The following SSX2IP variants were observed in gnomAD, a reference collection of about 807,000 sequenced individuals.
The protein encoded by SSX2IP is SSX family member 2 interacting protein, also known as afadin- and alpha-actinin-binding protein.
In SSX2IP, 55 loss-of-function variants were observed where a neutral mutation model predicts 84.9. The observed-to-expected ratio is 0.65, with a 90% CI of 0.52 to 0.81. The LOEUF (loss-of-function observed/expected upper bound fraction) is 0.81, where lower values mean the gene tolerates loss of function less well. Among genes scored for constraint, SSX2IP ranks in the 30% least tolerant of loss-of-function variants. SSX2IP has a pLI of 0.00. For missense variants in SSX2IP, 664 were observed against 705.2 expected, an observed-to-expected ratio of 0.94 and a Z score of 0.66; for synonymous variants, 239 against 234.7, an observed-to-expected ratio of 1.02 and a Z score of -0.17.
intron 12 of SSX2IP, 108 bp from the exon 13 acceptor site, chr1:84,650,635 G>C (rs570936190): frequency 8.7e-7 from 1 of 1,154,906 alleles, no homozygotes; most frequent in South Asian, 1.4e-5. Flanking sequence ...TGAGGAAAGA[G>C]ATGGAACAAA....
intron 1 of SSX2IP, among the ~76,000 whole-genome samples, chr1:84,676,728 T>TTTTA (rs1179738776): frequency 3.6e-5 from 5 of 139,366 alleles, no homozygotes; most frequent in Non-Finnish European, 7.8e-5. Flanking sequence ...CCTTTTTTTT[T>TTTTA]TTTTTTTTTT....
chr1:84,688,346 C>T (rs1328471091), intron 1 of SSX2IP, among the ~76,000 whole-genome samples: 2 of 152,144 alleles, frequency 1.3e-5, no homozygotes, highest in Non-Finnish European at 2.9e-5. Context: ...AACCTCTTTG[C>T]GTCATGAGCA....
Position 84,643,773 on chromosome 1 carries a change from A to G in SSX2IP, c.*3660T>C, listed in dbSNP as rs1333129179. On this transcript the variant is annotated 3_prime_UTR_variant, in exon 14 of 14. Transcript: ENST00000342203. ...TGCTGTTAAGCATTATACTAGGTACATGTATTTCTGAAGCTCAAATATATG... is the reference window on the plus strand; with the variant it reads ...TGCTGTTAAGCATTATACTAGGTACGTGTATTTCTGAAGCTCAAATATATG... 6.6e-6 allele frequency: 1 copy of G among 151,796 alleles called. No homozygotes were observed. Among genetic ancestry groups the G allele is most frequent in the Non-Finnish European group, 1.5e-5 (1 of 67,880 alleles). The allele number at this position is 151,796 out of a possible 1,614,324, so 9.4% of individuals were successfully genotyped here. A position where few individuals can be genotyped will look rare whatever the true frequency, so the allele number is the denominator to read the frequency against.
chr1:84,674,418 A>C (rs1654016483), intron 1 of SSX2IP, among the ~76,000 whole-genome samples: 1 of 152,198 alleles, frequency 6.6e-6, no homozygotes, highest in South Asian at 2.1e-4. Context: ...AGAGACAGAT[A>C]TCTTTATAAA....
At chr1:84,656,129 A>C in intron 10 of SSX2IP, 124 bp from the exon 11 acceptor site, 1 of 1,035,166 alleles carries the variant, frequency 9.7e-7, no homozygotes. Flanking sequence ...AGAATCAAAA[A>C]GTCAAATGAG....
chr1:84,679,392 G>C (rs752905533), intron 1 of SSX2IP, among the ~76,000 whole-genome samples: 6 of 152,144 alleles, frequency 3.9e-5, no homozygotes, highest in Admixed American at 2.6e-4. Flanking sequence ...TCTGAGTGGT[G>C]CCATTTTCCA....
intron 1 of SSX2IP, among the ~76,000 whole-genome samples, chr1:84,679,984 G>A (rs537828773): frequency 6.6e-6 from 1 of 152,272 alleles, no homozygotes; most frequent in East Asian, 1.9e-4. Context: ...CAGTGGGTGA[G>A]GGGCTCAGGA....
intron 1 of SSX2IP, among the ~76,000 whole-genome samples, chr1:84,688,105 T>G (rs1184246289): frequency 6.6e-6 from 1 of 152,242 alleles, no homozygotes; most frequent in East Asian, 1.9e-4. Flanking sequence ...TGAATGTTTA[T>G]TGAAAGAATT....
chr1:84,675,854 G>C (rs1462805651), intron 1 of SSX2IP, among the ~76,000 whole-genome samples: 2 of 152,046 alleles, frequency 1.3e-5, no homozygotes, highest in Non-Finnish European at 2.9e-5. Context: ...TCATCTACCT[G>C]GGTCCTGGAA....
chr1:84,663,155 T>C (rs1313905563), intron 6 of SSX2IP, among the ~76,000 whole-genome samples: 1 of 152,176 alleles, frequency 6.6e-6, no homozygotes, highest in Non-Finnish European at 1.5e-5. Flanking sequence ...AAGCCCCTGA[T>C]AGTAGTAATA....
At chr1:84,689,240 T>C (rs1656235590) in intron 1 of SSX2IP, among the ~76,000 whole-genome samples, 1 of 152,224 alleles carries the variant, frequency 6.6e-6, no homozygotes, top group Admixed American at 6.5e-5. Flanking sequence ...TCTTTACAAA[T>C]TTTATTCACT....
chr1:84,651,885 C>T lies in SSX2IP; in HGVS notation c.1502G>A (p.Gly501Glu), dbSNP rs1216130094. The T allele has an allele frequency of 6.2e-7, 1 of 1,604,100 alleles. No homozygotes were observed. Among genetic ancestry groups the T allele is most frequent in the South Asian group, 1.1e-5 (1 of 90,706 alleles). ...TAAAGAGTTTATAAAGTACTCACTT[C>T]CTGAGAAGGCACTGAAAAGTTTCAC... ...ENVKLFSAFSGSSDWDNLIVH... is the reference protein window; with the variant it reads ...ENVKLFSAFSESSDWDNLIVH... Residue 501 changes from glycine (G) to glutamate (E), a missense_variant and splice_region_variant, in exon 12 of 14, where the codon GGA becomes GAA. Transcript: ENST00000342203.
At position 84,657,595 on chromosome 1, in the gene SSX2IP, G is replaced by A. The variant is rs192542953; in HGVS notation, c.1078+723C>T. Among the ~76,000 whole-genome samples, 506 of 152,212 alleles carry A rather than the reference G, an allele frequency of 3.3e-3. 2 individuals are homozygous for A. Among genetic ancestry groups the A allele is most frequent in the African/African-American group, 0.012 (489 of 41,540 alleles). On this transcript the variant is annotated intron_variant, in intron 9 of 13. Transcript: ENST00000342203. ...GACTCAGTTTTCTCTTTTTGGGGGG[G>A]AACAGGTGGTGTTTGGTTACATGAA... is the stretch of plus-strand genomic sequence containing the variant.
At chr1:84,681,232 T>C (rs1272310755) in intron 1 of SSX2IP, among the ~76,000 whole-genome samples, 1 of 152,196 alleles carries the variant, frequency 6.6e-6, no homozygotes, top group Non-Finnish European at 1.5e-5. Flanking sequence ...GCAAGCATAA[T>C]ATATATTGAG....
intron 11 of SSX2IP, among the ~76,000 whole-genome samples, chr1:84,654,118 G>A (rs1650730438): frequency 6.6e-6 from 1 of 151,966 alleles, no homozygotes; most frequent in African/African-American, 2.4e-5. Flanking sequence ...TCTAACAAAA[G>A]TTCCAGAACA....
In SSX2IP at chr1:84,658,004, G is replaced by A. The variant is rs1473750349; in HGVS notation, c.1078+314C>T. The stretch of plus-strand genomic sequence containing the variant: ...CACCAAAAAATTAGCTGGCTATGAT[G>A]TGCGCCTATAGTCCTAGCTGCTCAG... On this transcript the variant is annotated intron_variant, in intron 9 of 13. Coordinates refer to ENST00000342203, the MANE Select transcript of SSX2IP (RefSeq NM_001166293.2). 3.9e-5 allele frequency among the ~76,000 whole-genome samples: 6 copies of A among 152,144 alleles called. No homozygotes were observed. In the East Asian group the frequency reaches 1.2e-3, roughly 30 times the overall value.
At chr1:84,683,425 A>T (rs1223979037) in intron 1 of SSX2IP, among the ~76,000 whole-genome samples, 2 of 152,208 alleles carry the variant, frequency 1.3e-5, no homozygotes, top group Non-Finnish European at 2.9e-5. Flanking sequence ...TAGCAATTCA[A>T]AAAAATTTTG....
intron 6 of SSX2IP, among the ~76,000 whole-genome samples, chr1:84,663,651 C>T (rs1315106706): frequency 2.0e-5 from 3 of 152,136 alleles, no homozygotes; most frequent in Non-Finnish European, 2.9e-5. Flanking sequence ...CTGAAACGTA[C>T]GCTCATCGCC....
At chr1:84,652,901 G>A (rs1338515991) in intron 11 of SSX2IP, among the ~76,000 whole-genome samples, 5 of 151,486 alleles carry the variant, frequency 3.3e-5, no homozygotes, top group East Asian at 1.9e-4. Context: ...GTGTGGTGGC[G>A]GGTGCCTGTA....
Sources: allele counts gnomAD v4.1 joint callset (sites outside exome capture counted in the v4.1 genomes callset), GRCh38; gene constraint gnomAD v4.1.1; transcripts MANE v1.5; gene names NCBI Gene and HGNC (gene_info 2026-07-23, HGNC 2026-07-21).